KIF26B: variants seen among roughly 807,000 people sequenced by gnomAD.
KIF26B encodes kinesin-like protein KIF26B.
KIF26B carries 63 observed loss-of-function variants against 151.2 expected under a neutral mutation model. The ratio of observed to expected loss-of-function variants is 0.42; its 90% CI spans 0.34 to 0.51. The LOEUF is 0.51. Ranked by LOEUF, KIF26B falls within the 20% of genes least tolerant of loss-of-function variation. The pLI is 0.07. For synonymous variants in KIF26B, 1,357 were observed against 1,262.1 expected, an observed-to-expected ratio of 1.08 and a Z score of -1.59; for missense variants, 2,813 against 2,913.6, an observed-to-expected ratio of 0.97 and a Z score of 0.79.
At chr1:245,568,870 A>T (rs1225658084) in intron 5 of KIF26B, among the ~76,000 whole-genome samples, 1 of 152,222 alleles carries the variant, frequency 6.6e-6, no homozygotes, top group East Asian at 1.9e-4. Context: ...AATTGGGCAG[A>T]ACCAGAATGG....
intron 5 of KIF26B, among the ~76,000 whole-genome samples, chr1:245,557,515 A>G (rs1270874550): frequency 6.6e-6 from 1 of 152,204 alleles, no homozygotes; most frequent in African/African-American, 2.4e-5. Flanking sequence ...TGAGGCTCCA[A>G]TAACTGTGCT....
intron 2 of KIF26B, among the ~76,000 whole-genome samples, chr1:245,192,010 ACTCCTTGAC>A: frequency 6.6e-6 from 1 of 152,244 alleles, no homozygotes; most frequent in South Asian, 2.1e-4. Flanking sequence ...AATTATTCTT[ACTCCTTGAC>A]CTGGTAGTTC....
chr1:245,269,726 G>A (rs369140779), intron 2 of KIF26B, among the ~76,000 whole-genome samples: 20 of 152,156 alleles, frequency 1.3e-4, no homozygotes, highest in African/African-American at 4.3e-4. Context: ...GCCTCCCAAA[G>A]TGCTGGGATT....
intron 4 of KIF26B, among the ~76,000 whole-genome samples, chr1:245,464,887 G>A (rs1009899558): frequency 1.3e-5 from 2 of 152,126 alleles, no homozygotes. Flanking sequence ...TATGTGCAGA[G>A]CCAGAGGCCG....
At position 245,222,177 on chromosome 1, in the gene KIF26B, G is replaced by A. The variant is rs974161408; in HGVS notation, c.465+65494G>A. On this transcript the variant is annotated intron_variant, in intron 2 of 14. Coordinates refer to ENST00000407071, the MANE Select transcript of KIF26B (RefSeq NM_018012.4). Reference sequence around the variant, plus strand: ...GTCTGGGCCGGGCCTGGTGGCTCACGCCTGTAATCCAGCACTTTGGGGGCT... The same window carrying A: ...GTCTGGGCCGGGCCTGGTGGCTCACACCTGTAATCCAGCACTTTGGGGGCT... 5.9e-5 allele frequency among the ~76,000 whole-genome samples: 9 copies of A among 152,128 alleles called. No individual in the cohort carries two copies. In the South Asian group the frequency reaches 6.2e-4, roughly 11 times the overall value.
chr1:245,176,237 G>A (rs1480840850), intron 2 of KIF26B, among the ~76,000 whole-genome samples: 2 of 152,052 alleles, frequency 1.3e-5, no homozygotes, highest in Non-Finnish European at 2.9e-5. Context: ...GATCTCAGGT[G>A]ATCCGCCTGC....
chr1:245,272,274 A>G (rs530694901), intron 2 of KIF26B, among the ~76,000 whole-genome samples: 3 of 151,720 alleles, frequency 2.0e-5, no homozygotes, highest in East Asian at 1.9e-4. Context: ...GAGTTTGTCA[A>G]TTTTTGCCAG....
chr1:245,218,554 T>A lies in KIF26B; in HGVS notation c.465+61871T>A, dbSNP rs761825375. Among the ~76,000 whole-genome samples, 1 of 152,160 alleles carries A rather than the reference T, an allele frequency of 6.6e-6. No individual in the cohort carries two copies. The highest frequency in any genetic ancestry group is 1.5e-5 in the Non-Finnish European group (1 of 68,026). ...GGGAGATCTGAATATCAACTCTCTA[T>A]GGAAGAACAAGAACCGAGGTGTCTC... On this transcript the variant is annotated intron_variant, in intron 2 of 14. Coordinates refer to ENST00000407071, the MANE Select transcript of KIF26B (RefSeq NM_018012.4). The surrounding 1 kb of genome is among the most constrained non-coding windows in gnomAD (Gnocchi z 4.1).
At chr1:245,226,059 C>T (rs992250245) in intron 2 of KIF26B, 1 of 152,384 alleles carries the variant, frequency 6.6e-6, no homozygotes, top group South Asian at 2.1e-4. Context: ...TCCATGATCT[C>T]GCTTCATCTT....
intron 5 of KIF26B, among the ~76,000 whole-genome samples, chr1:245,592,498 G>A (rs1219242797): frequency 6.6e-6 from 1 of 152,184 alleles, no homozygotes; most frequent in African/African-American, 2.4e-5. Context: ...CAACCAAATG[G>A]AAGTAAGATA....
intron 2 of KIF26B, among the ~76,000 whole-genome samples, chr1:245,313,154 A>G (rs544150881): frequency 1.3e-4 from 20 of 151,772 alleles, no homozygotes; most frequent in Admixed American, 7.9e-4. Flanking sequence ...GTGAGACTCC[A>G]TCTCAAAAAA....
intron 9 of KIF26B, among the ~76,000 whole-genome samples, chr1:245,632,735 C>CT (rs2103173163): frequency 6.6e-6 from 1 of 152,248 alleles, no homozygotes; most frequent in South Asian, 2.1e-4. Context: ...TGGTGAAACT[C>CT]TGTCTCTAGA....
chr1:245,408,931 C>G (rs914801067), intron 3 of KIF26B, among the ~76,000 whole-genome samples: 1 of 152,210 alleles, frequency 6.6e-6, no homozygotes, highest in Non-Finnish European at 1.5e-5. Context: ...GCTCTCAGAA[C>G]AGAAGCCCGC....
At chr1:245,483,145 C>T (rs1300012887) in intron 4 of KIF26B, among the ~76,000 whole-genome samples, 4 of 151,560 alleles carry the variant, frequency 2.6e-5, no homozygotes, top group Admixed American at 6.6e-5. Context: ...TCATGGGTGC[C>T]CTGTGTTTGA....
At chr1:245,561,441 C>T (rs1467687639) in intron 5 of KIF26B, among the ~76,000 whole-genome samples, 1 of 152,200 alleles carries the variant, frequency 6.6e-6, no homozygotes, top group East Asian at 1.9e-4. Flanking sequence ...GGTTGGGTCA[C>T]TCTTTGTGAC....
At chr1:245,383,439 T>A (rs1338252449) in intron 3 of KIF26B, among the ~76,000 whole-genome samples, 1 of 152,250 alleles carries the variant, frequency 6.6e-6, no homozygotes, top group Non-Finnish European at 1.5e-5. Context: ...CCCAGCCTAC[T>A]TCAAAGGCAG....
At chr1:245,329,297 C>T (rs900819901) in intron 2 of KIF26B, among the ~76,000 whole-genome samples, 1 of 152,210 alleles carries the variant, frequency 6.6e-6, no homozygotes, top group African/African-American at 2.4e-5. Flanking sequence ...GAAGTGTCTG[C>T]TTTTCAGGGA....
At chr1:245,176,674 G>A (rs183909283) in intron 2 of KIF26B, among the ~76,000 whole-genome samples, 2 of 152,256 alleles carry the variant, frequency 1.3e-5, no homozygotes, top group Admixed American at 1.3e-4. Context: ...TGGGTCAGCT[G>A]GCCCACTCCT....
At chr1:245,235,203 T>A (rs1175865468) in intron 2 of KIF26B, among the ~76,000 whole-genome samples, 1 of 152,218 alleles carries the variant, frequency 6.6e-6, no homozygotes, top group African/African-American at 2.4e-5. Flanking sequence ...TTTAAGGTTA[T>A]ACTTCAAAGG....
Sources: gnomAD v4.1 joint callset for allele counts (sites outside exome capture counted in the v4.1 genomes callset) on GRCh38, gnomAD v4.1.1 for gene constraint, Gnocchi (gnomAD v3.1) non-coding constraint, MANE v1.5 for transcripts, NCBI Gene and HGNC (gene_info 2026-07-23, HGNC 2026-07-21) for gene names.